Variants in PITPNM2 observed in about 807,000 individuals in gnomAD.
The protein encoded by PITPNM2 is membrane-associated phosphatidylinositol transfer protein 2.
PITPNM2 carries 35 observed loss-of-function variants against 132.2 expected under a neutral mutation model. The ratio of observed to expected loss-of-function variants is 0.26; its 90% CI spans 0.20 to 0.35. The LOEUF (loss-of-function observed/expected upper bound fraction) is 0.35, where lower values mean the gene tolerates loss of function less well. Among genes scored for constraint, PITPNM2 ranks in the 10% least tolerant of loss-of-function variants. PITPNM2 has a pLI of 1.00. For synonymous variants in PITPNM2, 738 were observed against 799.2 expected, an observed-to-expected ratio of 0.92 and a Z score of 1.29; for missense variants, 1,332 against 1,912.0, an observed-to-expected ratio of 0.70 and a Z score of 5.66.
intron 1 of PITPNM2, among the ~76,000 whole-genome samples, chr12:123,114,160 T>C (rs2042892300): frequency 6.6e-6 from 1 of 152,226 alleles, no homozygotes; most frequent in Non-Finnish European, 1.5e-5. Flanking sequence ...AACATCGCTG[T>C]ACAAATTTTT....
chr12:123,090,725 C>T (rs889059875), intron 2 of PITPNM2: 3 of 152,174 alleles, frequency 2.0e-5, no homozygotes, highest in Admixed American at 2.0e-4. Flanking sequence ...TTCCAACACC[C>T]TATAAGATAC....
chr12:123,043,398 C>T (rs1332938886), intron 2 of PITPNM2, among the ~76,000 whole-genome samples: 1 of 152,186 alleles, frequency 6.6e-6, no homozygotes, highest in Non-Finnish European at 1.5e-5. Context: ...CCACCCCCCA[C>T]AGATTCCTTG....
intron 1 of PITPNM2, among the ~76,000 whole-genome samples, chr12:123,128,249 G>A (rs568923803): frequency 2.1e-5 from 2 of 95,878 alleles, no homozygotes; most frequent in East Asian, 3.6e-4. Flanking sequence ...TAAACATGGC[G>A]AAACCCCATC....
chr12:122,986,413 G>A (rs761162144), intron 25 of PITPNM2, 23 bp downstream of exon 25: 16 of 1,566,226 alleles, frequency 1.0e-5, no homozygotes, highest in South Asian at 3.5e-5. Context: ...GCCTGCACCC[G>A]CCCCCACAAT....
chr12:122,991,863 C>T (rs764126460), intron 16 of PITPNM2: 58 of 1,309,712 alleles, frequency 4.4e-5, no homozygotes, highest in Middle Eastern at 4.0e-4. Context: ...GGGCCGCCCT[C>T]CAGGACCAGC....
chr12:123,042,336 C>T (rs996664304), intron 2 of PITPNM2, among the ~76,000 whole-genome samples: 1 of 152,142 alleles, frequency 6.6e-6, no homozygotes. Context: ...CAGGACGAGG[C>T]GACGTGGACA....
chr12:123,044,271 C>T (rs1337301642), intron 2 of PITPNM2, among the ~76,000 whole-genome samples: 1 of 152,206 alleles, frequency 6.6e-6, no homozygotes, highest in East Asian at 1.9e-4. Flanking sequence ...TCAGCAGCAG[C>T]ACCCAGACCA....
At chr12:123,071,324 G>A (rs1005541920) in intron 2 of PITPNM2, among the ~76,000 whole-genome samples, 2 of 152,244 alleles carry the variant, frequency 1.3e-5, no homozygotes, top group African/African-American at 4.8e-5. Context: ...TTTCAGCCAT[G>A]AAATATGGAG....
chr12:123,093,843 G>A (rs946334894), intron 2 of PITPNM2, among the ~76,000 whole-genome samples: 3 of 152,244 alleles, frequency 2.0e-5, no homozygotes, highest in Non-Finnish European at 4.4e-5. Context: ...GAGGAACCTG[G>A]AGTCTATGGA....
At chr12:123,096,562 T>C (rs2042415888) in intron 2 of PITPNM2, among the ~76,000 whole-genome samples, 1 of 151,412 alleles carries the variant, frequency 6.6e-6, no homozygotes, top group Non-Finnish European at 1.5e-5. Flanking sequence ...CAAAAGGACA[T>C]GGAGAAGGAA....
intron 3 of PITPNM2, among the ~76,000 whole-genome samples, chr12:123,032,512 C>G (rs1034594199): frequency 7.0e-6 from 1 of 143,362 alleles, no homozygotes; most frequent in East Asian, 2.1e-4. Flanking sequence ...AAACAAAAAC[C>G]TGGAGTGACA....
chr12:123,000,862 G>T lies in PITPNM2; in HGVS notation c.1154-14C>A, dbSNP rs374585319. 3 of 1,613,884 alleles carry T rather than the reference G, an allele frequency of 1.9e-6. No homozygotes were observed. The African/African-American group carries it at 4.0e-5, about 22-fold the overall frequency. On this transcript the variant is annotated splice_polypyrimidine_tract_variant and intron_variant, in intron 9 of 25. Transcript: ENST00000320201. This position sits in a 1 kb window ranked among gnomAD's most constrained non-coding sequence, Gnocchi z 5.4. ...GGTACAGACCATCTGCAAAGACACA[G>T]AAGCCGTGCTGTGAGCTGAGGGGCA...
chr12:122,984,486 A>G lies in PITPNM2; in HGVS notation c.*1541T>C, dbSNP rs937651055. ...AATGCCTGAAACAACAAAAAGCTAC[A>G]TCTTAAATATGAATAAACCCTGAAG... On this transcript the variant is annotated 3_prime_UTR_variant, in exon 26 of 26. Transcript: ENST00000320201. 2 of 152,576 alleles carry G rather than the reference A, an allele frequency of 1.3e-5. No homozygotes were observed. Among genetic ancestry groups the G allele is most frequent in the African/African-American group, 4.8e-5 (2 of 41,486 alleles). The allele number at this position is 152,576 out of a possible 1,614,324, so 9.5% of individuals were successfully genotyped here. A position where few individuals can be genotyped will look rare whatever the true frequency, so the allele number is the denominator to read the frequency against.
chr12:123,055,438 A>C (rs1382918914), intron 2 of PITPNM2, among the ~76,000 whole-genome samples: 1 of 152,226 alleles, frequency 6.6e-6, no homozygotes, highest in Non-Finnish European at 1.5e-5. Context: ...CTCCCGTCTA[A>C]GGAAGCAGTA....
chr12:122,988,968 AG>A (rs1171972510), intron 18 of PITPNM2, 96 bp from the exon 19 acceptor site: 2 of 1,325,036 alleles, frequency 1.5e-6, no homozygotes, highest in African/African-American at 1.5e-5. Context: ...AGCCCAGCAC[AG>A]TCCCCCCACC....
intron 2 of PITPNM2, among the ~76,000 whole-genome samples, chr12:123,080,805 G>A (rs2041937680): frequency 1.3e-5 from 2 of 152,120 alleles, no homozygotes; most frequent in Admixed American, 6.5e-5. Flanking sequence ...CTGTGAATGG[G>A]GCAACAATCT....
rs953339606 is a variant in PITPNM2 at position 122,993,134 on chromosome 12, T to C, written c.2234-465A>G. Among the ~76,000 whole-genome samples, 2 of 152,148 alleles carry C rather than the reference T, an allele frequency of 1.3e-5. No individual in the cohort carries two copies. Among genetic ancestry groups the C allele is most frequent in the East Asian group, 3.9e-4 (2 of 5,188 alleles). On this transcript the variant is annotated intron_variant, in intron 15 of 25. Transcript: ENST00000320201. This position sits in a 1 kb window ranked among gnomAD's most constrained non-coding sequence, Gnocchi z 5.2. ...GAGCCACCACGCCTGACCTCTAATT[T>C]TTTTTCATTGCAAAAGTTATAATGA...
chr12:122,991,809 T>C, intron 16 of PITPNM2: 1 of 1,301,906 alleles, frequency 7.7e-7, no homozygotes, highest in South Asian at 3.0e-5. Flanking sequence ...GGAACAGGCA[T>C]ACTGGTTTCC....
intron 3 of PITPNM2, among the ~76,000 whole-genome samples, chr12:123,025,899 C>T (rs1022540765): frequency 7.2e-5 from 11 of 152,124 alleles, no homozygotes; most frequent in African/African-American, 2.4e-4. Context: ...GCACTATTAC[C>T]CCCAAGTCAC....
Sources: allele counts gnomAD v4.1 joint callset (sites outside exome capture counted in the v4.1 genomes callset), GRCh38; gene constraint gnomAD v4.1.1; non-coding constraint Gnocchi (gnomAD v3.1); transcripts MANE v1.5; gene names NCBI Gene and HGNC (gene_info 2026-07-23, HGNC 2026-07-21).